Variants in ASTN2 observed in about 807,000 individuals in gnomAD.
The protein encoded by ASTN2 is astrotactin 2.
Under a neutral mutation model 139.8 loss-of-function variants are expected in ASTN2, and 54 were observed. That is an observed-to-expected ratio of 0.39 (90% confidence interval 0.31 to 0.48). ASTN2 has a LOEUF of 0.48. ASTN2 is among the 20% of genes least tolerant of loss of function. ASTN2 has a pLI of 0.95. For missense variants in ASTN2, 1,565 were observed against 1,725.1 expected (o/e 0.91, Z 1.64); for synonymous variants, 756 against 719.5 (o/e 1.05, Z -0.81).
At chr9:116,595,139 A>C (rs1314978624) in intron 19 of ASTN2, among the ~76,000 whole-genome samples, 1 of 152,232 alleles carries the variant, frequency 6.6e-6, no homozygotes, top group African/African-American at 2.4e-5. Flanking sequence ...ATGTGAAATG[A>C]AGATAATACT....
chr9:117,256,574 G>A (rs1833692356), intron 2 of ASTN2, among the ~76,000 whole-genome samples: 1 of 152,128 alleles, frequency 6.6e-6, no homozygotes, highest in African/African-American at 2.4e-5. Flanking sequence ...TTGTTTATAA[G>A]CCCATGTTCA....
At chr9:117,038,374 T>C (rs1259040107) in intron 6 of ASTN2, among the ~76,000 whole-genome samples, 1 of 152,184 alleles carries the variant, frequency 6.6e-6, no homozygotes, top group Non-Finnish European at 1.5e-5. Flanking sequence ...GTTTATTGCG[T>C]CTACAGAGCA....
chr9:116,921,245 A>G (rs980076710), intron 10 of ASTN2, among the ~76,000 whole-genome samples: 1 of 152,116 alleles, frequency 6.6e-6, no homozygotes, highest in Non-Finnish European at 1.5e-5. Flanking sequence ...AGCCACCATG[A>G]TCCAATCACC....
intron 19 of ASTN2, among the ~76,000 whole-genome samples, chr9:116,539,807 T>C (rs1461921281): frequency 2.0e-5 from 3 of 152,250 alleles, no homozygotes; most frequent in Admixed American, 6.5e-5. Context: ...TCTGGAATTT[T>C]CTATTTAATA....
intron 10 of ASTN2, among the ~76,000 whole-genome samples, chr9:116,884,323 G>A (rs1833532097): frequency 6.6e-6 from 1 of 152,108 alleles, no homozygotes; most frequent in South Asian, 2.1e-4. Context: ...AGAGGACTTG[G>A]ATAGTCACTT....
At chr9:116,487,594 C>G in intron 19 of ASTN2, 94 bp from the exon 20 acceptor site, 3 of 1,198,158 alleles carry the variant, frequency 2.5e-6, no homozygotes, top group Non-Finnish European at 3.4e-6. Flanking sequence ...GTCTTGATAC[C>G]ATTATCAAGA....
rs536140466 is a variant in ASTN2 at position 116,801,083 on chromosome 9, T to G, written c.2396+4549A>C. ...GCCAATTGTCAGGAAATGAGGCATATGGTGAGACGGCTGGTGGCAGTACTT... is the reference window on the plus strand; with the variant it reads ...GCCAATTGTCAGGAAATGAGGCATAGGGTGAGACGGCTGGTGGCAGTACTT... On this transcript the variant is annotated intron_variant, in intron 13 of 22. Transcript: ENST00000313400. Among the ~76,000 whole-genome samples, 4 of 152,212 alleles carry G rather than the reference T, an allele frequency of 2.6e-5. No homozygotes were observed. In the East Asian group the frequency reaches 7.7e-4, roughly 29 times the overall value.
rs1214413734 is a variant in ASTN2 at position 117,001,733 on chromosome 9, C to T, written c.1591+6359G>A. 2.0e-5 allele frequency among the ~76,000 whole-genome samples: 3 copies of T among 152,156 alleles called. No individual in the cohort carries two copies. In the East Asian group the frequency reaches 5.8e-4, roughly 29 times the overall value. On this transcript the variant is annotated intron_variant, in intron 7 of 22. Transcript: ENST00000313400. ...AGGTCATCTTCTTCATGATGTATCT[C>T]CTGAAATCCCCATCTAGAATACATT...
intron 10 of ASTN2, 147 bp downstream of exon 10, chr9:116,975,061 G>A: frequency 1.3e-6 from 1 of 740,906 alleles, no homozygotes; most frequent in Non-Finnish European, 2.0e-6. Flanking sequence ...TCACATCTAA[G>A]AGTTTAGGAG....
chr9:117,165,926 C>T (rs1338528086), intron 3 of ASTN2, among the ~76,000 whole-genome samples: 1 of 152,002 alleles, frequency 6.6e-6, no homozygotes, highest in Non-Finnish European at 1.5e-5. Flanking sequence ...CATTAAAAAG[C>T]CGTTATCATA....
rs748745520 is a variant in ASTN2, at chr9:116,863,654, G to T, written c.1969C>A (p.Arg657=). The part of the protein sequence containing the change: ...SSFGPVRDCS[R]NNGGCTRNFK... Reference sequence around the variant, plus strand: ...TTGCGAGTGCAGCCCCCATTGTTCCGAGAGCAGTCACGAACTGGCCCGAAG... The same window carrying T: ...TTGCGAGTGCAGCCCCCATTGTTCCTAGAGCAGTCACGAACTGGCCCGAAG... Residue 657 remains arginine, a synonymous_variant, in exon 11 of 23, where the codon CGG becomes AGG. Coordinates refer to ENST00000313400, the MANE Select transcript of ASTN2 (RefSeq NM_001365068.1). The T allele has an allele frequency of 1.4e-5, 23 of 1,614,032 alleles. No individual in the cohort carries two copies. Among genetic ancestry groups the T allele is most frequent in the Non-Finnish European group, 1.9e-5 (23 of 1,180,030 alleles).
At chr9:117,249,838 T>G (rs931499420) in intron 2 of ASTN2, among the ~76,000 whole-genome samples, 3 of 152,162 alleles carry the variant, frequency 2.0e-5, no homozygotes, top group African/African-American at 7.2e-5. Flanking sequence ...GCCCTTATCC[T>G]GTTGCCTTCT....
chr9:116,615,577 G>A (rs1855802610), intron 19 of ASTN2, among the ~76,000 whole-genome samples: 3 of 152,104 alleles, frequency 2.0e-5, no homozygotes, highest in Admixed American at 2.0e-4. Context: ...CCTTTGTAGG[G>A]ACATGGATGA....
intron 16 of ASTN2, among the ~76,000 whole-genome samples, chr9:116,681,507 A>T (rs11535521): frequency 0.1 from 15,158 of 152,180 alleles, 1,259 homozygotes; most frequent in South Asian, 0.4. Flanking sequence ...CTTTCTTCAT[A>T]GAATTGGAAA....
At chr9:116,782,028 C>T (rs577613966) in intron 13 of ASTN2, among the ~76,000 whole-genome samples, 150 of 152,116 alleles carry the variant, frequency 9.9e-4, no homozygotes, top group Non-Finnish European at 2.0e-3. Flanking sequence ...TTTCCAGAGC[C>T]CCATGCTGCC....
At chr9:117,026,921 G>A (rs549826909) in intron 6 of ASTN2, among the ~76,000 whole-genome samples, 2 of 152,254 alleles carry the variant, frequency 1.3e-5, no homozygotes, top group African/African-American at 4.8e-5. Context: ...GAGGCTTAGA[G>A]AGGTTAAATA....
chr9:117,331,705 C>A (rs551618975), intron 1 of ASTN2, among the ~76,000 whole-genome samples: 1 of 152,244 alleles, frequency 6.6e-6, no homozygotes, highest in East Asian at 1.9e-4. Flanking sequence ...TCTATCAGAA[C>A]TTTTGACTCT....
At chr9:117,016,476 C>T (rs1228713584) in intron 6 of ASTN2, among the ~76,000 whole-genome samples, 2 of 148,346 alleles carry the variant, frequency 1.3e-5, no homozygotes, top group African/African-American at 2.6e-5. Context: ...GTAGGAAATG[C>T]TAATAACTGT....
chr9:116,599,673 T>C (rs745636015), intron 19 of ASTN2, among the ~76,000 whole-genome samples: 2 of 152,150 alleles, frequency 1.3e-5, no homozygotes, highest in Non-Finnish European at 1.5e-5. Flanking sequence ...GAGGAAGTCA[T>C]AGTGGAAATA....
Sources: allele counts gnomAD v4.1 joint callset (sites outside exome capture counted in the v4.1 genomes callset), GRCh38; gene constraint gnomAD v4.1.1; transcripts MANE v1.5; gene names NCBI Gene and HGNC (gene_info 2026-07-23, HGNC 2026-07-21).